RAPGEF6: variants seen among roughly 807,000 people sequenced by gnomAD.
RAPGEF6 encodes PDZ domain containing guanine nucleotide exchange factor (GEF) 2.
A neutral mutation model predicts 171.4 loss-of-function variants in RAPGEF6; 56 were observed. The ratio of observed to expected loss-of-function variants is 0.33; its 90% CI spans 0.26 to 0.41. The LOEUF is 0.41. Ranked by LOEUF, RAPGEF6 falls within the 10% of genes least tolerant of loss-of-function variation. The pLI is 1.00. For synonymous variants in RAPGEF6, 692 were observed against 650.1 expected (o/e 1.06, Z -0.98); for missense variants, 1,674 against 1,921.4 (o/e 0.87, Z 2.41).
chr5:131,516,420 G>C (rs1306406347), intron 7 of RAPGEF6, among the ~76,000 whole-genome samples: 1 of 152,142 alleles, frequency 6.6e-6, no homozygotes, highest in East Asian at 1.9e-4. Context: ...AGAACATACT[G>C]GTGAAAACGT....
rs1320296226 is a variant in RAPGEF6, at chr5:131,483,988, C to T, written c.1841-4235G>A. ...GCAGGCACCTGTAGTCCCAGCTACT[C>T]GGGAAGCTGAGGCAGGAGAATGGCA... On this transcript the variant is annotated intron_variant, in intron 15 of 27. Transcript: ENST00000509018. Among the ~76,000 whole-genome samples the T allele has an allele frequency of 2.7e-5, 4 of 147,524 alleles. No homozygotes were observed. The East Asian group carries it at 8.6e-4, about 32-fold the overall frequency.
rs376096619 is a variant in RAPGEF6 at position 131,425,886 on chromosome 5, C to CTTTTTTTT, written c.*1372_*1379dup. On this transcript the variant is annotated 3_prime_UTR_variant, in exon 28 of 28. Transcript: ENST00000509018. ...GGGTAGTGCACGTTAATGGCTTTGGCTTTTTTTTTTTTTTTTTTTTTGGTA... is the reference window on the plus strand; with the variant it reads ...GGGTAGTGCACGTTAATGGCTTTGGCTTTTTTTTTTTTTTTTTTTTTTTTTTTTTGGTA... 9 of 84,432 alleles carry CTTTTTTTT rather than the reference C, an allele frequency of 1.1e-4. No individual in the cohort carries two copies. The highest frequency in any genetic ancestry group is 3.8e-4 in the East Asian group (1 of 2,618). 5.2% of individuals were successfully genotyped at this position (84,432 alleles called of 1,614,324 possible).
At chr5:131,468,039 A>G (rs1463192015) in intron 17 of RAPGEF6, among the ~76,000 whole-genome samples, 1 of 151,288 alleles carries the variant, frequency 6.6e-6, no homozygotes, top group Non-Finnish European at 1.5e-5. Context: ...AAAAAAAAAA[A>G]TCTTGGGGTC....
intron 5 of RAPGEF6, 84 bp from the exon 6 acceptor site, chr5:131,548,274 G>A (rs1760683086): frequency 1.4e-6 from 2 of 1,386,330 alleles, no homozygotes; most frequent in Non-Finnish European, 9.9e-7. Flanking sequence ...AGACTCATAA[G>A]GAAGCTTCAT....
chr5:131,441,007 C>G (rs998220627), intron 23 of RAPGEF6, among the ~76,000 whole-genome samples: 1 of 152,302 alleles, frequency 6.6e-6, no homozygotes, highest in Admixed American at 6.5e-5. Context: ...CTGCTGTGAT[C>G]CTCACTACAG....
intron 6 of RAPGEF6, among the ~76,000 whole-genome samples, chr5:131,538,361 C>T (rs773590048): frequency 8.5e-5 from 13 of 152,158 alleles, no homozygotes; most frequent in Non-Finnish European, 1.0e-4. Flanking sequence ...CTACATGGTA[C>T]AGCCTATGGT....
chr5:131,461,011 G>C (rs955814229), intron 19 of RAPGEF6, among the ~76,000 whole-genome samples: 6 of 152,140 alleles, frequency 3.9e-5, no homozygotes, highest in Non-Finnish European at 7.4e-5. Context: ...CTTGTTTTAA[G>C]AAGAATCCCT....
At chr5:131,621,517 A>T (rs1765591908) in intron 1 of RAPGEF6, among the ~76,000 whole-genome samples, 1 of 152,006 alleles carries the variant, frequency 6.6e-6, no homozygotes. Flanking sequence ...CCTGGGCTCA[A>T]GCAGCCAGGA....
intron 15 of RAPGEF6, 45 bp downstream of exon 15, chr5:131,489,501 A>T (rs770256498): frequency 1.7e-6 from 2 of 1,160,460 alleles, no homozygotes; most frequent in Admixed American, 2.3e-5. Flanking sequence ...TTCTATTACC[A>T]AATTAAGAAG....
intron 1 of RAPGEF6, among the ~76,000 whole-genome samples, chr5:131,620,507 T>A (rs1765533403): frequency 6.6e-6 from 1 of 152,260 alleles, no homozygotes; most frequent in Non-Finnish European, 1.5e-5. Context: ...CTCCGTTTAC[T>A]ATTGCAAATG....
At chr5:131,456,781 A>C (rs750278130) in intron 19 of RAPGEF6, among the ~76,000 whole-genome samples, 1 of 152,184 alleles carries the variant, frequency 6.6e-6, no homozygotes, top group Non-Finnish European at 1.5e-5. Flanking sequence ...TTCTGACTTT[A>C]AGGCATGGAG....
At chr5:131,435,767 T>C (rs1751971613) in intron 24 of RAPGEF6, 1 of 1,193,400 alleles carries the variant, frequency 8.4e-7, no homozygotes, top group Admixed American at 3.3e-5. Context: ...AAAACAAGAG[T>C]ATAAAATTTA....
chr5:131,500,373 A>G (rs1756943878), intron 11 of RAPGEF6, among the ~76,000 whole-genome samples: 3 of 152,162 alleles, frequency 2.0e-5, no homozygotes, highest in Admixed American at 2.0e-4. Flanking sequence ...GTTTAGGGTC[A>G]TTTAGGTTCA....
At chr5:131,608,825 T>C (rs979825272) in intron 1 of RAPGEF6, among the ~76,000 whole-genome samples, 2 of 152,104 alleles carry the variant, frequency 1.3e-5, no homozygotes, top group African/African-American at 2.4e-5. Flanking sequence ...CTTTTTTTTT[T>C]CGCAGCATCA....
intron 6 of RAPGEF6, among the ~76,000 whole-genome samples, chr5:131,535,453 A>G (rs1006904726): frequency 6.6e-6 from 1 of 152,156 alleles, no homozygotes; most frequent in African/African-American, 2.4e-5. Context: ...TCATCTCATT[A>G]TCTTATCAAT....
intron 17 of RAPGEF6, among the ~76,000 whole-genome samples, chr5:131,467,726 C>T (rs1754457900): frequency 1.3e-5 from 2 of 152,156 alleles, no homozygotes; most frequent in African/African-American, 4.8e-5. Context: ...AAAGGCAAAA[C>T]AGACATTTAA....
At chr5:131,492,076 G>C (rs1263723344) in intron 14 of RAPGEF6, among the ~76,000 whole-genome samples, 1 of 152,124 alleles carries the variant, frequency 6.6e-6, no homozygotes, top group Non-Finnish European at 1.5e-5. Flanking sequence ...ATTCCTAAGA[G>C]TGTCTTTTTT....
At chr5:131,512,680 G>A (rs555986807) in intron 7 of RAPGEF6, among the ~76,000 whole-genome samples, 2 of 152,242 alleles carry the variant, frequency 1.3e-5, no homozygotes, top group South Asian at 2.1e-4. Flanking sequence ...AAGGGTCTGC[G>A]ATTGTCTGAA....
At chr5:131,500,576 C>A (rs1350646676) in intron 11 of RAPGEF6, among the ~76,000 whole-genome samples, 1 of 152,152 alleles carries the variant, frequency 6.6e-6, no homozygotes, top group East Asian at 1.9e-4. Flanking sequence ...CCCTTGATCC[C>A]AGCCACACAA....
Sources: allele counts gnomAD v4.1 joint callset (sites outside exome capture counted in the v4.1 genomes callset), GRCh38; gene constraint gnomAD v4.1.1; transcripts MANE v1.5; gene names NCBI Gene and HGNC (gene_info 2026-07-23, HGNC 2026-07-21).